The following MYO1B variants were observed in gnomAD, a reference collection of about 807,000 sequenced individuals.
The protein encoded by MYO1B is myosin IB.
Under a neutral mutation model 159.7 loss-of-function variants are expected in MYO1B, and 72 were observed. The ratio of observed to expected loss-of-function variants is 0.45; its 90% CI spans 0.37 to 0.55. The LOEUF is 0.55. Ranked by LOEUF, MYO1B falls within the 20% of genes least tolerant of loss-of-function variation. The probability of loss-of-function intolerance (pLI) is 0.00; values close to 1 mark genes in which losing one functional copy is unlikely to be tolerated. For missense variants in MYO1B, 1,062 were observed against 1,364.8 expected (o/e 0.78, Z 3.50); for synonymous variants, 468 against 473.8 (o/e 0.99, Z 0.16).
intron 1 of MYO1B, among the ~76,000 whole-genome samples, chr2:191,255,349 C>T (rs1183569827): frequency 6.6e-6 from 1 of 152,120 alleles, no homozygotes; most frequent in African/African-American, 2.4e-5. Context: ...AGCATCGATA[C>T]TGTGAAGGAA....
intron 2 of MYO1B, among the ~76,000 whole-genome samples, chr2:191,285,483 G>T (rs1688312091): frequency 6.6e-6 from 1 of 152,160 alleles, no homozygotes; most frequent in Non-Finnish European, 1.5e-5. Context: ...GCCTCTGAAT[G>T]AGCTCCTGAC....
intron 13 of MYO1B, among the ~76,000 whole-genome samples, chr2:191,375,472 G>GATAGATAT (rs1694640367): frequency 7.1e-6 from 1 of 140,420 alleles, no homozygotes; most frequent in Non-Finnish European, 1.5e-5. Flanking sequence ...ATTTGTAAAA[G>GATAGATAT]ATAGATAGAT....
At chr2:191,389,981 T>C (rs1285650522) in intron 17 of MYO1B, among the ~76,000 whole-genome samples, 2 of 152,218 alleles carry the variant, frequency 1.3e-5, no homozygotes, top group Non-Finnish European at 2.9e-5. Flanking sequence ...GAACTTGATA[T>C]AAATGGAATC....
intron 3 of MYO1B, among the ~76,000 whole-genome samples, chr2:191,302,865 G>A (rs1477890059): frequency 1.3e-5 from 2 of 152,170 alleles, no homozygotes; most frequent in African/African-American, 4.8e-5. Context: ...CAATTAGTGG[G>A]AGCACCTGGT....
chr2:191,414,178 A>G lies in MYO1B; in HGVS notation c.3004A>G (p.Lys1002Glu), dbSNP rs767608496. ...VVNKINRANGKSTSRIFLLTN... is the reference protein window; with the variant it reads ...VVNKINRANGESTSRIFLLTN... ...GAACAAAATTAACCGTGCTAATGGG[A>G]AGGTAAAAATGCTAACCTTGAAGAC... is the stretch of plus-strand genomic sequence containing the variant. Residue 1002 changes from lysine to glutamate, a missense_variant and splice_region_variant, in exon 28 of 31, where the codon AAG becomes GAG. By Grantham distance (56) the Lys-to-Glu change is moderately conservative (BLOSUM62 1). Transcript: ENST00000392318. The G allele has an allele frequency of 6.2e-7, 1 of 1,610,626 alleles. No individual in the cohort carries two copies. Among genetic ancestry groups the G allele is most frequent in the East Asian group, 2.2e-5 (1 of 44,818 alleles).
At chr2:191,272,598 G>A (rs1253699916) in intron 1 of MYO1B, among the ~76,000 whole-genome samples, 1 of 152,214 alleles carries the variant, frequency 6.6e-6, no homozygotes, top group Non-Finnish European at 1.5e-5. Flanking sequence ...GGCAGAGTGA[G>A]CCCTCTGAGC....
rs377624908 is a variant in MYO1B, at chr2:191,275,402, A to G, written c.-9-1485A>G. Among the ~76,000 whole-genome samples, 7 of 152,218 alleles carry G rather than the reference A, an allele frequency of 4.6e-5. No homozygotes were observed. The East Asian group carries it at 1.2e-3, about 25-fold the overall frequency. On this transcript the variant is annotated intron_variant, in intron 1 of 30. Coordinates refer to ENST00000392318, the MANE Select transcript of MYO1B (RefSeq NM_001130158.3). ...AAAACTTGTTTTAATAGGATCAGTAAAAAAGGATATGTTTGTGGGTTCATA... is the reference window on the plus strand; with the variant it reads ...AAAACTTGTTTTAATAGGATCAGTAGAAAAGGATATGTTTGTGGGTTCATA...
chr2:191,420,826 CAACT>C (rs1697890166), intron 30 of MYO1B, among the ~76,000 whole-genome samples: 3 of 152,156 alleles, frequency 2.0e-5, no homozygotes, highest in African/African-American at 7.2e-5. Context: ...GAAATCCAAA[CAACT>C]AATCCATGTT....
At chr2:191,302,468 T>C (rs1303556255) in intron 3 of MYO1B, among the ~76,000 whole-genome samples, 5 of 152,222 alleles carry the variant, frequency 3.3e-5, no homozygotes, top group African/African-American at 9.6e-5. Flanking sequence ...ATTCAAAATT[T>C]CATGCAGTAT....
intron 30 of MYO1B, among the ~76,000 whole-genome samples, chr2:191,422,119 TCA>T (rs980500728): frequency 1.3e-5 from 2 of 152,226 alleles, no homozygotes; most frequent in African/African-American, 4.8e-5. Context: ...CTGTGGATCC[TCA>T]CATCGCTGGG....
chr2:191,364,540 T>G (rs896479879), intron 11 of MYO1B, among the ~76,000 whole-genome samples: 2 of 152,092 alleles, frequency 1.3e-5, no homozygotes, highest in African/African-American at 4.8e-5. Context: ...ATCAGTGAAC[T>G]GAGAGCAACA....
chr2:191,296,300 C>G, intron 3 of MYO1B, 74 bp downstream of exon 3: 1 of 707,418 alleles, frequency 1.4e-6, no homozygotes, highest in Non-Finnish European at 2.1e-6. Flanking sequence ...GTGCAGCTGT[C>G]TCCTTTGAAT....
At position 191,392,130 on chromosome 2, in the gene MYO1B, A is replaced by G; in HGVS notation, c.2005A>G (p.Asn669Asp). The change falls in exon 19 of 31, where the codon AAT becomes GAT. Residue 669 changes from asparagine (N) to aspartate (D), a missense_variant. Physicochemically the swap from Asn to Asp is conservative, Grantham distance 23 (BLOSUM62 1). Around this residue, in one of 5 missense-constraint regions of MYO1B, gnomAD observed 609 missense variants for 744.4 expected, o/e 0.82. Coordinates refer to ENST00000392318, the MANE Select transcript of MYO1B (RefSeq NM_001130158.3). ...PARSGVEVLF[N>D]ELEIPVEEYS... is the part of the protein sequence containing the mutation. ...TAGGTCTGGTGTGGAGGTCCTATTT[A>G]ATGAATTAGAAATTCCCGTGGAAGA... The G allele has an allele frequency of 1.2e-6, 2 of 1,609,606 alleles. No homozygotes were observed. The highest frequency in any genetic ancestry group is 2.2e-5 in the South Asian group (2 of 90,568).
In MYO1B at chr2:191,364,051, A is replaced by G. The variant is rs145571531; in HGVS notation, c.914-107A>G. On this transcript the variant is annotated intron_variant, in intron 10 of 30. Transcript: ENST00000392318. ...TTGTTTTTTGATGTATACATTTTAT[A>G]CTGATCTGTTTGATTATGATTTAGA... 5.7e-4 allele frequency: 685 copies of G among 1,203,564 alleles called. 5 individuals are homozygous for G. The African/African-American group carries it at 9.2e-3, about 16-fold the overall frequency. 74.6% of individuals were successfully genotyped at this position (1,203,564 alleles called of 1,614,324 possible).
At chr2:191,287,852 A>G (rs1037431448) in intron 2 of MYO1B, among the ~76,000 whole-genome samples, 1 of 146,838 alleles carries the variant, frequency 6.8e-6, no homozygotes, top group African/African-American at 2.5e-5. Flanking sequence ...GGCTCTCTAC[A>G]GTTTGATCTC....
intron 30 of MYO1B, among the ~76,000 whole-genome samples, chr2:191,421,631 G>A (rs1224706435): frequency 2.6e-5 from 4 of 151,910 alleles, no homozygotes; most frequent in African/African-American, 7.3e-5. Flanking sequence ...ATGCACCACC[G>A]TCCCTGGCTA....
intron 3 of MYO1B, among the ~76,000 whole-genome samples, chr2:191,298,674 AT>A (rs1689127893): frequency 5.9e-5 from 9 of 152,240 alleles, no homozygotes; most frequent in Non-Finnish European, 1.2e-4. Context: ...AATAGTAATA[AT>A]AAAAGTATTT....
chr2:191,377,819 C>CT (rs1358582769), intron 13 of MYO1B: 1 of 151,858 alleles, frequency 6.6e-6, no homozygotes, highest in African/African-American at 2.4e-5. Flanking sequence ...ATGCCATCAA[C>CT]TTCAGCTTAG....
intron 3 of MYO1B, among the ~76,000 whole-genome samples, chr2:191,308,955 A>C (rs1180174884): frequency 6.6e-6 from 1 of 152,148 alleles, no homozygotes; most frequent in Non-Finnish European, 1.5e-5. Context: ...TCCCGTGGCA[A>C]GTCCAGGGGC....
Sources: allele counts gnomAD v4.1 joint callset (sites outside exome capture counted in the v4.1 genomes callset), GRCh38; gene constraint gnomAD v4.1.1; regional missense constraint gnomAD v4.1.1; transcripts MANE v1.5; gene names NCBI Gene and HGNC (gene_info 2026-07-23, HGNC 2026-07-21).